The following CRADD variants were observed in gnomAD, a reference collection of about 807,000 sequenced individuals.
CRADD encodes CARD and death domain containing adaptor protein, also known as death domain-containing protein CRADD.
Under a neutral mutation model 15.5 loss-of-function variants are expected in CRADD, and 9 were observed. That is an observed-to-expected ratio of 0.58 (90% CI 0.35 to 1.01). CRADD has a LOEUF of 1.01. CRADD is among the 50% of genes least tolerant of loss of function. The pLI, the probability that CRADD is intolerant of heterozygous loss-of-function variation, is 0.02. For missense variants in CRADD, 227 were observed against 250.3 expected (o/e 0.91, Z 0.63); for synonymous variants, 118 against 107.6 (o/e 1.10, Z -0.60).
chr12:93,880,015 C>T (rs75662901), intron 2 of CRADD, among the ~76,000 whole-genome samples: 1,717 of 152,280 alleles, frequency 0.011, 34 homozygotes, highest in African/African-American at 0.038. Flanking sequence ...ATGAATACAA[C>T]AGATGGTGAC....
chr12:93,863,596 T>TTGTGTGTGTGTGTGTG (rs1157061528), intron 2 of CRADD, among the ~76,000 whole-genome samples: 51 of 124,844 alleles, frequency 4.1e-4, no homozygotes, highest in African/African-American at 1.3e-3. Flanking sequence ...GTGGAGGCAT[T>TTGTGTGTGTGTGTGTG]TGTGTGTGTG....
chr12:93,873,186 CT>C (rs1958434815), intron 2 of CRADD, among the ~76,000 whole-genome samples: 1 of 151,940 alleles, frequency 6.6e-6, no homozygotes, highest in Non-Finnish European at 1.5e-5. Flanking sequence ...AATGGGATTA[CT>C]TTTTTCATTT....
intron 2 of CRADD, among the ~76,000 whole-genome samples, chr12:93,745,833 C>T (rs1476456734): frequency 6.6e-6 from 1 of 152,182 alleles, no homozygotes; most frequent in Admixed American, 6.5e-5. Context: ...GAAGTCTTTA[C>T]AGCTGGAAGT....
At chr12:93,748,889 A>G (rs1470471194) in intron 2 of CRADD, among the ~76,000 whole-genome samples, 1 of 152,184 alleles carries the variant, frequency 6.6e-6, no homozygotes, top group Non-Finnish European at 1.5e-5. Context: ...GCCTTATCCC[A>G]TGGCCAGGGC....
chr12:93,871,833 T>A (rs1958422842), intron 2 of CRADD, among the ~76,000 whole-genome samples: 1 of 152,246 alleles, frequency 6.6e-6, no homozygotes, highest in Non-Finnish European at 1.5e-5. Flanking sequence ...TTAAGTTGCT[T>A]AGAAATCTTA....
downstream of CRADD, among the ~76,000 whole-genome samples, chr12:93,853,805 G>C (rs1958248242): frequency 6.6e-6 from 1 of 152,214 alleles, no homozygotes; most frequent in Admixed American, 6.5e-5. Context: ...ATGAAGGGTT[G>C]ATAGTCTACG....
At chr12:93,851,500 AT>A (rs2137051646), downstream of CRADD, among the ~76,000 whole-genome samples, 1 of 152,326 alleles carries the variant, frequency 6.6e-6, no homozygotes, top group African/African-American at 2.4e-5. Flanking sequence ...CTTTGTGATG[AT>A]TAAAGCAATA....
chr12:93,828,928 G>A (rs1003771557), intron 2 of CRADD, among the ~76,000 whole-genome samples: 3 of 152,198 alleles, frequency 2.0e-5, no homozygotes, highest in African/African-American at 7.2e-5. Context: ...CCAGGGGGAT[G>A]TGTTCATGGG....
chr12:93,763,939 C>A (rs1052251031), intron 2 of CRADD, among the ~76,000 whole-genome samples: 5 of 152,128 alleles, frequency 3.3e-5, no homozygotes, highest in African/African-American at 1.2e-4. Context: ...GAGAAATAAA[C>A]CCGATTTCTT....
intron 2 of CRADD, among the ~76,000 whole-genome samples, chr12:93,813,611 G>C (rs145795578): frequency 1.3e-5 from 2 of 152,146 alleles, no homozygotes; most frequent in Middle Eastern, 3.4e-3. Flanking sequence ...TGAGTTCTCC[G>C]GCTCATGTAT....
At chr12:93,794,035 G>T (rs1316873648) in intron 2 of CRADD, among the ~76,000 whole-genome samples, 1 of 152,114 alleles carries the variant, frequency 6.6e-6, no homozygotes, top group African/African-American at 2.4e-5. Flanking sequence ...ATATGGGGTG[G>T]TTAATTCTCT....
At chr12:93,887,327 G>C (rs2362429) in intron 2 of CRADD, among the ~76,000 whole-genome samples, 125,722 of 152,234 alleles carry the variant, frequency 0.83, 52,498 homozygotes, top group African/African-American at 0.96. Flanking sequence ...TTAATGACAG[G>C]CTTTTATCAG....
At chr12:93,790,499 G>C (rs571864137) in intron 2 of CRADD, among the ~76,000 whole-genome samples, 1 of 151,980 alleles carries the variant, frequency 6.6e-6, no homozygotes, top group African/African-American at 2.4e-5. Flanking sequence ...ACTAAAGCAT[G>C]GTCTGCATAC....
chr12:93,687,574 C>T (rs1478058263), intron 2 of CRADD, among the ~76,000 whole-genome samples: 1 of 152,184 alleles, frequency 6.6e-6, no homozygotes, highest in Non-Finnish European at 1.5e-5. Context: ...TAAATTGCAG[C>T]CGGGGTTGAG....
At chr12:93,734,364 A>T (rs572917145) in intron 2 of CRADD, among the ~76,000 whole-genome samples, 221 of 152,370 alleles carry the variant, frequency 1.5e-3, no homozygotes, top group African/African-American at 4.9e-3. Flanking sequence ...CTAGATGAGG[A>T]AACAAAAATA....
At chr12:93,765,111 A>G (rs1957013669) in intron 2 of CRADD, among the ~76,000 whole-genome samples, 1 of 152,078 alleles carries the variant, frequency 6.6e-6, no homozygotes. Flanking sequence ...GTCTAGGTCC[A>G]TTCCAGAGAG....
chr12:93,777,439 T>C (rs965613226), intron 2 of CRADD, among the ~76,000 whole-genome samples: 1 of 152,188 alleles, frequency 6.6e-6, no homozygotes, highest in African/African-American at 2.4e-5. Context: ...TAGAAATGCC[T>C]GCTGTGCTCC....
intron 2 of CRADD, among the ~76,000 whole-genome samples, chr12:93,872,998 A>G (rs1958433558): frequency 6.6e-6 from 1 of 152,096 alleles, no homozygotes. Flanking sequence ...TGCTTTGGGT[A>G]GTATGAATAT....
rs113467561 is a variant in CRADD at position 93,711,481 on chromosome 12, A to G, written c.298+32409A>G. ...GGGGGGATTTCATTGTACTTGTAAT[A>G]AAATCCAGACTCCTCATCATAAATT... is the stretch of plus-strand genomic sequence containing the variant. On this transcript the variant is annotated intron_variant, in intron 2 of 2. Coordinates refer to ENST00000332896, the MANE Select transcript of CRADD (RefSeq NM_003805.5). Among the ~76,000 whole-genome samples the G allele has an allele frequency of 9.3e-3, 1,410 of 152,252 alleles. 34 individuals carry two copies. The highest frequency in any genetic ancestry group is 0.032 in the African/African-American group (1,344 of 41,544).
Sources: allele counts gnomAD v4.1 joint callset (sites outside exome capture counted in the v4.1 genomes callset), GRCh38; gene constraint gnomAD v4.1.1; transcripts MANE v1.5; gene names NCBI Gene and HGNC (gene_info 2026-07-23, HGNC 2026-07-21).